The following SPANXN3 variants were observed in gnomAD, a reference collection of about 807,000 sequenced individuals.
SPANXN3 encodes sperm protein associated with the nucleus on the X chromosome N3.
A neutral mutation model predicts 1.9 loss-of-function variants in SPANXN3; 1 was observed. The ratio of observed to expected loss-of-function variants is 0.54; its 90% confidence interval spans 0.19 to 2.54. SPANXN3 has a LOEUF of 2.54. Among genes scored for constraint, SPANXN3 ranks in the 30% most tolerant of loss-of-function variants. The probability of loss-of-function intolerance (pLI) is 0.24; values close to 1 mark genes in which losing one functional copy is unlikely to be tolerated. For missense variants in SPANXN3, 113 were observed against 96.2 expected, an observed-to-expected ratio of 1.17 and a Z score of -0.73; for synonymous variants, 47 against 40.0, an observed-to-expected ratio of 1.17 and a Z score of -0.66.
At chrX:143,515,160 C>T (rs188638036) in intron 1 of SPANXN3, among the ~76,000 whole-genome samples, 6 of 110,581 alleles carry the variant, frequency 5.4e-5, no homozygotes, top group African/African-American at 1.3e-4. Flanking sequence ...ACAGACTCCT[C>T]CTCCTCCCCT....
chrX:143,515,067 C>G (rs1226445574), intron 1 of SPANXN3, among the ~76,000 whole-genome samples: 1 of 110,418 alleles, frequency 9.1e-6, no homozygotes, highest in Admixed American at 9.7e-5. Context: ...AGACAGTACA[C>G]AAATGCTTAC....
At chrX:143,512,620 C>T (rs186157134) in intron 1 of SPANXN3, among the ~76,000 whole-genome samples, 44 of 111,441 alleles carry the variant, frequency 3.9e-4, no homozygotes, top group African/African-American at 1.3e-3. Flanking sequence ...CTACACACTC[C>T]TCTGTATTGG....
intron 1 of SPANXN3, among the ~76,000 whole-genome samples, chrX:143,511,648 T>C (rs1929095347): frequency 9.0e-6 from 1 of 111,666 alleles, no homozygotes; most frequent in South Asian, 3.8e-4. Flanking sequence ...TCCCAAGGCA[T>C]ACAGAATTCC....
chrX:143,510,551 T>A (rs782386063), intron 1 of SPANXN3, among the ~76,000 whole-genome samples: 1 of 111,584 alleles, frequency 9.0e-6, no homozygotes, highest in Non-Finnish European at 1.9e-5. Flanking sequence ...TCCCCTCTTC[T>A]AAAAAACAAA....
At chrX:143,516,980 G>A (rs782181688) in intron 1 of SPANXN3, among the ~76,000 whole-genome samples, 2 of 111,939 alleles carry the variant, frequency 1.8e-5, no homozygotes, top group South Asian at 3.8e-4. Flanking sequence ...AACACAAGAC[G>A]GACAAAGGTC....
chrX:143,514,051 C>A (rs1387392797), intron 1 of SPANXN3, among the ~76,000 whole-genome samples: 3 of 112,133 alleles, frequency 2.7e-5, no homozygotes, highest in Admixed American at 9.4e-5. Flanking sequence ...TAAGAAATGG[C>A]AAACTTATAC....
intron 1 of SPANXN3, among the ~76,000 whole-genome samples, chrX:143,515,107 A>G (rs782218760): frequency 2.3e-4 from 25 of 109,654 alleles, no homozygotes; most frequent in Non-Finnish European, 4.6e-4. Context: ...CATCCTCAAA[A>G]TACTCCGCCC....
chrX:143,513,479 C>T lies in SPANXN3; in HGVS notation c.78+3835G>A, dbSNP rs782286599. On this transcript the variant is annotated intron_variant, in intron 1 of 1. Transcript: ENST00000370503. ...GGCCACATCGCTGGCCTTAGAGGCA[C>T]GGAAACTCCCTCTTTACCAACACAT... Among the ~76,000 whole-genome samples the T allele has an allele frequency of 8.0e-5, 9 of 111,955 alleles. No homozygotes were observed. The East Asian group carries it at 8.6e-4, about 11-fold the overall frequency.
chrX:143,511,346 G>GC (rs1929087298), intron 1 of SPANXN3, among the ~76,000 whole-genome samples: 1 of 111,347 alleles, frequency 9.0e-6, no homozygotes, highest in South Asian at 3.9e-4. Flanking sequence ...AAATAAAGTC[G>GC]CCCCTGCTCT....
intron 1 of SPANXN3, chrX:143,510,102 A>C (rs1556411479): frequency 9.1e-6 from 1 of 109,848 alleles, no homozygotes; most frequent in African/African-American, 3.3e-5. Context: ...TCTCCATCTT[A>C]TTTTTCCTTC....
intron 1 of SPANXN3, chrX:143,510,285 C>T (rs1395687286): frequency 1.8e-5 from 2 of 111,123 alleles, no homozygotes. Context: ...TCCCCAGTCA[C>T]CAGGTGACTG....
intron 1 of SPANXN3, among the ~76,000 whole-genome samples, chrX:143,510,931 C>T (rs782746380): frequency 1.8e-5 from 2 of 111,059 alleles, no homozygotes; most frequent in Non-Finnish European, 3.8e-5. Context: ...CAGACACATG[C>T]CCAAAGGCCT....
At chrX:143,514,487 A>G (rs1177812663) in intron 1 of SPANXN3, among the ~76,000 whole-genome samples, 5 of 111,426 alleles carry the variant, frequency 4.5e-5, no homozygotes, top group Non-Finnish European at 7.5e-5. Flanking sequence ...GGAAGCTATC[A>G]AACCACCTCC....
chrX:143,511,505 C>A (rs1195151833), intron 1 of SPANXN3, among the ~76,000 whole-genome samples: 2 of 111,350 alleles, frequency 1.8e-5, no homozygotes, highest in African/African-American at 6.5e-5. Flanking sequence ...GAGGATGGCC[C>A]TCAAACCTCC....
intron 1 of SPANXN3, among the ~76,000 whole-genome samples, chrX:143,516,090 A>G (rs1313725637): frequency 1.8e-5 from 2 of 112,062 alleles, no homozygotes; most frequent in Non-Finnish European, 3.8e-5. Context: ...TACAATGGCT[A>G]TTAGTTACAA....
At chrX:143,515,209 A>G (rs1186436455) in intron 1 of SPANXN3, among the ~76,000 whole-genome samples, 6 of 110,838 alleles carry the variant, frequency 5.4e-5, no homozygotes, top group African/African-American at 2.0e-4. Flanking sequence ...AGGTTATCCT[A>G]ACTACTCCGA....
In SPANXN3 at chrX:143,508,922, C is replaced by T; in HGVS notation, c.319G>A (p.Gly107Arg). 1 of 1,211,614 alleles carries T rather than the reference C, an allele frequency of 8.3e-7. No homozygotes were observed. Among genetic ancestry groups the T allele is most frequent in the Non-Finnish European group, 1.1e-6 (1 of 895,398 alleles). The part of the protein sequence containing the change: ...NEDEDLGPCE[G>R]PSKEDKDLDS... ...AGATCTTTGTCCTCCTTTGAAGGTC[C>T]TTCACATGGGCCTAGGTCTTCATCC... The change falls in exon 2 of 2, where the codon GGA (glycine) becomes AGA (arginine). Residue 107 changes from glycine (G) to arginine (R), a missense_variant. Coordinates refer to ENST00000370503, the MANE Select transcript of SPANXN3 (RefSeq NM_001009609.4).
chrX:143,517,467 C>T lies in SPANXN3; in HGVS notation c.-76G>A. ...CTTCCACAGCTATGTTGAAGCTTCC[C>T]AGTGGGATGTCCCAGAGCTCTTGCC... On this transcript the variant is annotated 5_prime_UTR_variant, in exon 1 of 2. Transcript: ENST00000370503. 2 of 1,083,312 alleles carry T rather than the reference C, an allele frequency of 1.8e-6. No individual in the cohort carries two copies. Among genetic ancestry groups the T allele is most frequent in the Non-Finnish European group, 2.6e-6 (2 of 783,020 alleles). 89.3% of individuals were successfully genotyped at this position (1,083,312 alleles called of 1,213,427 possible).
chrX:143,515,015 T>C (rs1174520215), intron 1 of SPANXN3, among the ~76,000 whole-genome samples: 2 of 110,665 alleles, frequency 1.8e-5, no homozygotes, highest in East Asian at 5.7e-4. Context: ...CCATTCTATA[T>C]GGAATACTTG....
Sources: gnomAD v4.1 joint callset for allele counts (sites outside exome capture counted in the v4.1 genomes callset) on GRCh38, gnomAD v4.1.1 for gene constraint, MANE v1.5 for transcripts, NCBI Gene and HGNC (gene_info 2026-07-23, HGNC 2026-07-21) for gene names.